ASIC2: variants seen among roughly 807,000 people sequenced by gnomAD.
ASIC2 encodes the protein acid sensing ion channel subunit 2.
A neutral mutation model predicts 57.3 loss-of-function variants in ASIC2; 25 were observed. That is an observed-to-expected ratio of 0.44 (90% CI 0.32 to 0.61). The LOEUF is 0.61. Ranked by LOEUF, ASIC2 falls within the 20% of genes least tolerant of loss-of-function variation. The probability of loss-of-function intolerance (pLI) is 0.06; values close to 1 mark genes in which losing one functional copy is unlikely to be tolerated. For synonymous variants in ASIC2, 319 were observed against 307.5 expected (o/e 1.04, Z -0.39); for missense variants, 641 against 738.1 (o/e 0.87, Z 1.52).
chr17:33,063,494 CT>C (rs1237655098), intron 3 of ASIC2, among the ~76,000 whole-genome samples: 1 of 152,082 alleles, frequency 6.6e-6, no homozygotes, highest in Non-Finnish European at 1.5e-5. Context: ...TTGGCCCCCC[CT>C]CTCTTCTGGC....
At chr17:33,870,531 G>A (rs1010532165) in intron 1 of ASIC2, among the ~76,000 whole-genome samples, 13 of 152,080 alleles carry the variant, frequency 8.5e-5, no homozygotes, top group Middle Eastern at 3.4e-3. Flanking sequence ...GGTACGGGAG[G>A]AAGAATTCAG....
intron 3 of ASIC2, among the ~76,000 whole-genome samples, chr17:33,066,021 A>G (rs1381862982): frequency 6.6e-6 from 1 of 151,990 alleles, no homozygotes; most frequent in East Asian, 1.9e-4. Flanking sequence ...CTACAACAGA[A>G]AGGCTCTCTT....
intron 1 of ASIC2, among the ~76,000 whole-genome samples, chr17:33,674,125 C>T (rs112964951): frequency 0.05 from 7,572 of 152,134 alleles, 491 homozygotes; most frequent in African/African-American, 0.15. Context: ...GATCTCTCGA[C>T]TTCGTGATCC....
intron 1 of ASIC2, among the ~76,000 whole-genome samples, chr17:33,698,177 A>G (rs1256476862): frequency 6.6e-6 from 1 of 152,154 alleles, no homozygotes; most frequent in East Asian, 1.9e-4. Context: ...AGATATAGTT[A>G]TTATTATATA....
intron 1 of ASIC2, among the ~76,000 whole-genome samples, chr17:33,431,019 G>C (rs1426731755): frequency 6.6e-6 from 1 of 152,136 alleles, no homozygotes; most frequent in Non-Finnish European, 1.5e-5. Flanking sequence ...CTATGTGAGA[G>C]GATGCAGAGG....
intron 1 of ASIC2, among the ~76,000 whole-genome samples, chr17:33,665,827 G>A (rs1448532854): frequency 6.6e-6 from 1 of 152,118 alleles, no homozygotes; most frequent in East Asian, 1.9e-4. Flanking sequence ...TCTCCCTGTG[G>A]CTGCATTCTC....
In ASIC2 at chr17:33,023,777, T is replaced by C. The variant is rs1389925429; in HGVS notation, c.1349+84A>G. On this transcript the variant is annotated intron_variant, in intron 6 of 9. Coordinates refer to ENST00000225823, the MANE Select transcript of ASIC2 (RefSeq NM_183377.2). Reference sequence around the variant, plus strand: ...TTTGCTAACTTGAACCAAATGCTTATCTTTGCTTTCCTCCTTGATTGCCTC... The same window carrying C: ...TTTGCTAACTTGAACCAAATGCTTACCTTTGCTTTCCTCCTTGATTGCCTC... The C allele has an allele frequency of 3.2e-6, 5 of 1,560,716 alleles. No individual in the cohort carries two copies. The East Asian group carries it at 9.0e-5, about 28-fold the overall frequency.
intron 1 of ASIC2, among the ~76,000 whole-genome samples, chr17:33,274,707 C>G (rs928577702): frequency 6.6e-6 from 1 of 152,120 alleles, no homozygotes; most frequent in African/African-American, 2.4e-5. Context: ...CATTAAAAAA[C>G]AAAATTTCCC....
At chr17:33,103,704 C>T (rs759633422) in intron 2 of ASIC2, among the ~76,000 whole-genome samples, 1 of 152,156 alleles carries the variant, frequency 6.6e-6, no homozygotes, top group Non-Finnish European at 1.5e-5. Flanking sequence ...TCCCCTCAAA[C>T]TTCTGCTCAG....
At chr17:34,120,885 C>T (rs1911598174) in intron 1 of ASIC2, among the ~76,000 whole-genome samples, 1 of 151,008 alleles carries the variant, frequency 6.6e-6, no homozygotes, top group African/African-American at 2.5e-5. Flanking sequence ...ATTATAGGCG[C>T]CTGCCACCAC....
intron 1 of ASIC2, among the ~76,000 whole-genome samples, chr17:33,661,681 T>C (rs1038921356): frequency 6.6e-6 from 1 of 152,212 alleles, no homozygotes; most frequent in Non-Finnish European, 1.5e-5. Context: ...TTTGGAGAAA[T>C]AGTTTGAAGG....
chr17:34,030,042 T>C lies in ASIC2; in HGVS notation c.555+125936A>G, dbSNP rs185981093. Among the ~76,000 whole-genome samples, 33 of 152,292 alleles carry C rather than the reference T, an allele frequency of 2.2e-4. No individual in the cohort carries two copies. In the East Asian group the frequency reaches 3.5e-3, roughly 16 times the overall value. On this transcript the variant is annotated intron_variant, in intron 1 of 9. Transcript: ENST00000359872. The stretch of plus-strand genomic sequence containing the variant: ...CCTCCAAAGCCTGAATCCCACACAA[T>C]TGGCTCTTCCCTTCACAACTACCCC...
At chr17:34,044,937 G>A (rs1908282346) in intron 1 of ASIC2, among the ~76,000 whole-genome samples, 2 of 152,202 alleles carry the variant, frequency 1.3e-5, no homozygotes, top group South Asian at 4.1e-4. Context: ...CATACTAAGT[G>A]TCCAAAGATG....
At chr17:33,916,136 T>C (rs1397726873) in intron 1 of ASIC2, among the ~76,000 whole-genome samples, 1 of 152,192 alleles carries the variant, frequency 6.6e-6, no homozygotes, top group African/African-American at 2.4e-5. Context: ...AACCAGTTCC[T>C]TTTTCACTCC....
intron 1 of ASIC2, among the ~76,000 whole-genome samples, chr17:33,500,060 C>T (rs1006300400): frequency 2.0e-5 from 3 of 151,102 alleles, no homozygotes; most frequent in Non-Finnish European, 2.9e-5. Context: ...GAAAAGAAAA[C>T]GGGGAAAAGG....
chr17:34,130,852 G>A (rs1277071610), intron 1 of ASIC2, among the ~76,000 whole-genome samples: 4 of 152,342 alleles, frequency 2.6e-5, no homozygotes, highest in African/African-American at 7.2e-5. Flanking sequence ...GCTTATACAT[G>A]AAATTATTAT....
At chr17:33,408,230 T>G (rs1361635827) in intron 1 of ASIC2, among the ~76,000 whole-genome samples, 1 of 152,204 alleles carries the variant, frequency 6.6e-6, no homozygotes, top group African/African-American at 2.4e-5. Flanking sequence ...AACCAACGTT[T>G]GTTGCATTTT....
chr17:33,881,100 A>G (rs1380210887), intron 1 of ASIC2, among the ~76,000 whole-genome samples: 1 of 152,182 alleles, frequency 6.6e-6, no homozygotes, highest in African/African-American at 2.4e-5. Context: ...AAGTATTGAT[A>G]GGACGTATCT....
Position 33,162,116 on chromosome 17 carries a change from C to T in ASIC2, c.709-50049G>A, listed in dbSNP as rs114748670. ...CATGTTGCCTAGCAGTCATCTCTTC[C>T]AAGGAAAGCTAATCACTGGGCATTC... On this transcript the variant is annotated intron_variant, in intron 1 of 9. Transcript: ENST00000225823. Among the ~76,000 whole-genome samples, 1,278 of 152,152 alleles carry T rather than the reference C, an allele frequency of 8.4e-3. 18 individuals are homozygous for T. Among genetic ancestry groups the T allele is most frequent in the African/African-American group, 0.029 (1,208 of 41,510 alleles).
Sources: gnomAD v4.1 joint callset for allele counts (sites outside exome capture counted in the v4.1 genomes callset) on GRCh38, gnomAD v4.1.1 for gene constraint, MANE v1.5 for transcripts, NCBI Gene and HGNC (gene_info 2026-07-23, HGNC 2026-07-21) for gene names.